The following SPOCK1 variants were observed in gnomAD, a reference collection of about 807,000 sequenced individuals.
The protein encoded by SPOCK1 is SPARC (osteonectin), cwcv and kazal like domains proteoglycan 1.
Under a neutral mutation model 55.3 loss-of-function variants are expected in SPOCK1, and 23 were observed. The observed-to-expected ratio is 0.42, with a 90% confidence interval of 0.30 to 0.59. The LOEUF (loss-of-function observed/expected upper bound fraction) is 0.59. Among genes scored for constraint, SPOCK1 ranks in the 20% least tolerant of loss-of-function variants. The probability of loss-of-function intolerance (pLI) is 0.22; values close to 1 mark genes in which losing one functional copy is unlikely to be tolerated. For missense variants in SPOCK1, 499 were observed against 552.5 expected (o/e 0.90, Z 0.97); for synonymous variants, 226 against 221.0 (o/e 1.02, Z -0.20).
chr5:137,215,539 A>G (rs1282437774), intron 3 of SPOCK1, among the ~76,000 whole-genome samples: 1 of 152,236 alleles, frequency 6.6e-6, no homozygotes, highest in African/African-American at 2.4e-5. Flanking sequence ...TGATAATTTT[A>G]CACATTTTTT....
intron 2 of SPOCK1, among the ~76,000 whole-genome samples, chr5:137,320,892 C>T (rs2127146709): frequency 6.6e-6 from 1 of 152,058 alleles, no homozygotes; most frequent in East Asian, 1.9e-4. Context: ...GTCAAAGTTA[C>T]AAAATAAATA....
rs189768679 is a variant in SPOCK1 at position 137,251,304 on chromosome 5, A to G, written c.232+15706T>C. On this transcript the variant is annotated intron_variant, in intron 3 of 10. Transcript: ENST00000394945. ...ACCAACCTCACCCACACAATAAACT[A>G]TTTTCTTGTTGTGTTGCCTGTTTGT... Among the ~76,000 whole-genome samples, 64 of 151,980 alleles carry G rather than the reference A, an allele frequency of 4.2e-4. 2 individuals are homozygous for G. The highest frequency in any genetic ancestry group is 3.4e-3 in the Middle Eastern group (1 of 294).
At chr5:136,994,232 C>T (rs1384053769) in intron 6 of SPOCK1, among the ~76,000 whole-genome samples, 1 of 152,138 alleles carries the variant, frequency 6.6e-6, no homozygotes. Flanking sequence ...GACCTTAAAA[C>T]ACTGCCTTGC....
chr5:137,183,813 CACAGAGGT>C (rs1446694219), intron 3 of SPOCK1, among the ~76,000 whole-genome samples: 1 of 152,228 alleles, frequency 6.6e-6, no homozygotes, highest in African/African-American at 2.4e-5. Flanking sequence ...GGCAGGAAGG[CACAGAGGT>C]AGAGAATCAG....
intron 2 of SPOCK1, among the ~76,000 whole-genome samples, chr5:137,369,001 G>C (rs988662510): frequency 3.3e-5 from 5 of 152,238 alleles, no homozygotes; most frequent in African/African-American, 1.2e-4. Context: ...ACTCATACTT[G>C]CAGGCTTTAA....
intron 6 of SPOCK1, among the ~76,000 whole-genome samples, chr5:137,057,232 C>T (rs1364172990): frequency 6.6e-6 from 1 of 151,942 alleles, no homozygotes; most frequent in Non-Finnish European, 1.5e-5. Context: ...TTAGAGGTGA[C>T]CTTTCTGGGA....
At chr5:136,996,023 A>G (rs2126966156) in intron 6 of SPOCK1, among the ~76,000 whole-genome samples, 1 of 152,280 alleles carries the variant, frequency 6.6e-6, no homozygotes, top group African/African-American at 2.4e-5. Context: ...GAAGGAAATA[A>G]TCAAAGGCAA....
chr5:137,043,650 C>T (rs998104819), intron 6 of SPOCK1, among the ~76,000 whole-genome samples: 1 of 152,122 alleles, frequency 6.6e-6, no homozygotes, highest in Non-Finnish European at 1.5e-5. Flanking sequence ...CTTGGGGGTT[C>T]TTCCCCAAAA....
intron 6 of SPOCK1, among the ~76,000 whole-genome samples, chr5:137,060,316 G>C (rs147694556): frequency 0.011 from 1,675 of 152,250 alleles, 25 homozygotes; most frequent in African/African-American, 0.038. Context: ...GATGGAGCTG[G>C]AGGCCATTAT....
intron 2 of SPOCK1, among the ~76,000 whole-genome samples, chr5:137,341,386 G>T (rs931437407): frequency 1.3e-5 from 2 of 152,224 alleles, no homozygotes; most frequent in Non-Finnish European, 2.9e-5. Flanking sequence ...AATCGAACAG[G>T]TGTCTCACTG....
chr5:137,153,266 A>G (rs1754353231), intron 3 of SPOCK1, among the ~76,000 whole-genome samples: 1 of 152,224 alleles, frequency 6.6e-6, no homozygotes, highest in African/African-American at 2.4e-5. Flanking sequence ...CTCTGGATGG[A>G]TCTAATAACT....
At chr5:137,196,055 C>A (rs757603277) in intron 3 of SPOCK1, among the ~76,000 whole-genome samples, 3 of 152,178 alleles carry the variant, frequency 2.0e-5, no homozygotes, top group African/African-American at 4.8e-5. Context: ...GTGCCCAGGG[C>A]AATGCGAAAT....
intron 2 of SPOCK1, among the ~76,000 whole-genome samples, chr5:137,397,791 A>T (rs980905620): frequency 6.6e-6 from 1 of 152,142 alleles, no homozygotes; most frequent in African/African-American, 2.4e-5. Flanking sequence ...GGCTTAAGTC[A>T]TTTCAGCTGG....
intron 5 of SPOCK1, among the ~76,000 whole-genome samples, chr5:137,095,553 G>A (rs754220622): frequency 7.2e-5 from 11 of 152,178 alleles, no homozygotes; most frequent in Non-Finnish European, 1.2e-4. Flanking sequence ...ACAGAATTGT[G>A]CATCCCAAGG....
At chr5:137,328,391 A>G (rs374730798) in intron 2 of SPOCK1, among the ~76,000 whole-genome samples, 54 of 152,338 alleles carry the variant, frequency 3.5e-4, no homozygotes, top group African/African-American at 1.3e-3. Context: ...TGACAAAAGA[A>G]AAAACCCAGA....
At position 137,465,597 on chromosome 5, in the gene SPOCK1, T is replaced by C. The variant is rs546651132; in HGVS notation, c.186+32776A>G. ...ATACAAAGTCTGATCTGAAGCAACA[T>C]TTCAAATAGTCACACACTCAAGACA... On this transcript the variant is annotated intron_variant, in intron 2 of 10. Transcript: ENST00000394945. 2.6e-5 allele frequency among the ~76,000 whole-genome samples: 4 copies of C among 152,154 alleles called. No homozygotes were observed. In the East Asian group the frequency reaches 5.8e-4, roughly 22 times the overall value.
At chr5:137,236,804 A>G (rs1674693379) in intron 3 of SPOCK1, among the ~76,000 whole-genome samples, 1 of 152,212 alleles carries the variant, frequency 6.6e-6, no homozygotes. Flanking sequence ...ACATCTACTG[A>G]GCACAGAAAT....
At chr5:137,418,603 T>C (rs1181966744) in intron 2 of SPOCK1, among the ~76,000 whole-genome samples, 20 of 152,332 alleles carry the variant, frequency 1.3e-4, no homozygotes, top group Admixed American at 1.2e-3. Flanking sequence ...TGAATGTCTT[T>C]TTTTGAGAAG....
intron 6 of SPOCK1, among the ~76,000 whole-genome samples, chr5:137,012,210 A>G (rs1751364144): frequency 1.3e-5 from 2 of 152,158 alleles, no homozygotes; most frequent in African/African-American, 2.4e-5. Flanking sequence ...GTTACAAAAC[A>G]TGTCTAAGTC....
Sources: allele counts gnomAD v4.1 joint callset (sites outside exome capture counted in the v4.1 genomes callset), GRCh38; gene constraint gnomAD v4.1.1; transcripts MANE v1.5; gene names NCBI Gene and HGNC (gene_info 2026-07-23, HGNC 2026-07-21).